DAB1: variants seen among roughly 807,000 people sequenced by gnomAD.
DAB1 encodes the protein DAB adaptor protein 1, also known as disabled homolog 1.
In DAB1, 15 loss-of-function variants were observed where a neutral mutation model predicts 64.6. That is an observed-to-expected ratio of 0.23 (90% CI 0.16 to 0.36). The LOEUF (loss-of-function observed/expected upper bound fraction) is 0.36, where lower values mean the gene tolerates loss of function less well. DAB1 is among the 10% of genes least tolerant of loss of function. DAB1 has a pLI of 1.00. For missense variants in DAB1, 596 were observed against 706.7 expected (o/e 0.84, Z 1.78); for synonymous variants, 235 against 251.9 (o/e 0.93, Z 0.64).
intron 4 of DAB1, among the ~76,000 whole-genome samples, chr1:58,340,954 G>A (rs1643923739): frequency 6.6e-6 from 1 of 152,212 alleles, no homozygotes; most frequent in South Asian, 2.1e-4. Context: ...CCAGACGGCA[G>A]ATTCAAAGGG....
intron 4 of DAB1, among the ~76,000 whole-genome samples, chr1:57,132,717 T>C (rs193203563): frequency 1.9e-4 from 29 of 152,218 alleles, no homozygotes; most frequent in Admixed American, 1.6e-3. Context: ...ACCTGTATTG[T>C]CTAATCATAT....
intron 4 of DAB1, among the ~76,000 whole-genome samples, chr1:58,325,420 G>A (rs894791219): frequency 6.6e-6 from 1 of 152,102 alleles, no homozygotes; most frequent in Non-Finnish European, 1.5e-5. Context: ...TAAACCAGGG[G>A]TTCCTCATCT....
At chr1:58,358,918 C>T (rs148309941) in intron 3 of DAB1, among the ~76,000 whole-genome samples, 2 of 55,092 alleles carry the variant, frequency 3.6e-5, no homozygotes, top group Non-Finnish European at 8.6e-5. Context: ...TCTCTCCCCC[C>T]CTTCCTTTCT....
intron 2 of DAB1, among the ~76,000 whole-genome samples, chr1:57,172,858 G>T (rs996129743): frequency 1.3e-5 from 2 of 152,216 alleles, no homozygotes; most frequent in Admixed American, 6.5e-5. Flanking sequence ...ATTTGGAGGG[G>T]TCAAACATCC....
chr1:57,465,837 C>A (rs535431460), intron 7 of DAB1, among the ~76,000 whole-genome samples: 2 of 152,106 alleles, frequency 1.3e-5, no homozygotes, highest in Non-Finnish European at 2.9e-5. Flanking sequence ...AGAGAAAAAA[C>A]TGAATGTAAA....
intron 4 of DAB1, among the ~76,000 whole-genome samples, chr1:58,201,633 G>A (rs1369423199): frequency 6.6e-6 from 1 of 152,166 alleles, no homozygotes; most frequent in Non-Finnish European, 1.5e-5. Flanking sequence ...AGTCCCAGAG[G>A]AAGTTTGCAG....
chr1:57,589,206 G>C (rs1004899133), intron 7 of DAB1, among the ~76,000 whole-genome samples: 2 of 151,966 alleles, frequency 1.3e-5, no homozygotes, highest in African/African-American at 4.8e-5. Flanking sequence ...GGCAACAACA[G>C]CGAAACTCCA....
chr1:57,327,839 A>G (rs1676305301), intron 1 of DAB1, among the ~76,000 whole-genome samples: 1 of 152,166 alleles, frequency 6.6e-6, no homozygotes, highest in South Asian at 2.1e-4. Context: ...AGAGATTTAC[A>G]AGTGGAAAAA....
chr1:58,097,593 A>C (rs921069021), intron 5 of DAB1, among the ~76,000 whole-genome samples: 2 of 152,080 alleles, frequency 1.3e-5, no homozygotes, highest in Non-Finnish European at 2.9e-5. Context: ...TCATCAGGTA[A>C]ATTGAGAGGT....
intron 2 of DAB1, among the ~76,000 whole-genome samples, chr1:57,157,849 C>G (rs1432134334): frequency 6.6e-6 from 1 of 152,166 alleles, no homozygotes; most frequent in Admixed American, 6.5e-5. Flanking sequence ...CTGTCCCATT[C>G]TCATAAATTG....
chr1:58,143,325 G>C (rs1364385833), intron 5 of DAB1, among the ~76,000 whole-genome samples: 1 of 152,108 alleles, frequency 6.6e-6, no homozygotes, highest in Non-Finnish European at 1.5e-5. Flanking sequence ...ATGGAGATGA[G>C]GGATATATAC....
intron 1 of DAB1, among the ~76,000 whole-genome samples, chr1:57,832,796 A>T (rs1247701117): frequency 6.6e-6 from 1 of 151,660 alleles, no homozygotes; most frequent in Non-Finnish European, 1.5e-5. Context: ...ACTGAAGTGG[A>T]TTGTTTATGT....
intron 4 of DAB1, among the ~76,000 whole-genome samples, chr1:58,287,757 C>T (rs865881958): frequency 6.6e-6 from 1 of 152,148 alleles, no homozygotes; most frequent in Non-Finnish European, 1.5e-5. Flanking sequence ...CGTGGTGGCT[C>T]ATGCCTGTAA....
chr1:57,421,902 C>CGG (rs1309675216), intron 1 of DAB1, among the ~76,000 whole-genome samples: 275 of 11,680 alleles, frequency 0.024, 10 homozygotes, highest in African/African-American at 0.037. Context: ...TGGGGGGTGG[C>CGG]GGGGGGGGGG....
chr1:57,054,749 A>C (rs1649576962), intron 9 of DAB1, among the ~76,000 whole-genome samples: 1 of 152,170 alleles, frequency 6.6e-6, no homozygotes. Flanking sequence ...AAGGGCTGGG[A>C]TTACAGGCGT....
At chr1:57,670,047 G>A (rs1646492358) in intron 6 of DAB1, among the ~76,000 whole-genome samples, 1 of 152,008 alleles carries the variant, frequency 6.6e-6, no homozygotes, top group African/African-American at 2.4e-5. Context: ...AGATAAAAGG[G>A]TATCTGTATA....
At chr1:57,971,629 G>A (rs1401007555) in intron 5 of DAB1, among the ~76,000 whole-genome samples, 1 of 152,178 alleles carries the variant, frequency 6.6e-6, no homozygotes, top group African/African-American at 2.4e-5. Flanking sequence ...ATGAAATGAG[G>A]TCAGAAATAT....
At chr1:57,161,819 T>G (rs931368207) in intron 2 of DAB1, among the ~76,000 whole-genome samples, 1 of 150,764 alleles carries the variant, frequency 6.6e-6, no homozygotes, top group Non-Finnish European at 1.5e-5. Context: ...AGCTTTTCCC[T>G]AAGTGCATAC....
chr1:57,972,623 A>T (rs983243220), intron 5 of DAB1, among the ~76,000 whole-genome samples: 1 of 152,230 alleles, frequency 6.6e-6, no homozygotes, highest in African/African-American at 2.4e-5. Context: ...GGGTATAAGT[A>T]AGTATAACTA....
Sources: gnomAD v4.1 joint callset for allele counts (sites outside exome capture counted in the v4.1 genomes callset) on GRCh38, gnomAD v4.1.1 for gene constraint, MANE v1.5 for transcripts, NCBI Gene and HGNC (gene_info 2026-07-23, HGNC 2026-07-21) for gene names.